Variants in TNFSF4 observed in about 807,000 individuals in gnomAD.
The protein encoded by TNFSF4 is tumor necrosis factor ligand superfamily member 4.
A neutral mutation model predicts 7.3 loss-of-function variants in TNFSF4; 4 were observed. The ratio of observed to expected loss-of-function variants is 0.55; its 90% CI spans 0.27 to 1.25. The LOEUF is 1.25. TNFSF4 is among the 50% of genes most tolerant of loss of function. The pLI is 0.12. For synonymous variants in TNFSF4, 76 were observed against 83.7 expected, an observed-to-expected ratio of 0.91 and a Z score of 0.50; for missense variants, 181 against 208.8, an observed-to-expected ratio of 0.87 and a Z score of 0.82.
chr1:173,234,736 T>C, the TNFSF4 span, among the ~76,000 whole-genome samples: 1 of 152,018 alleles, frequency 6.6e-6, no homozygotes, highest in Non-Finnish European at 1.5e-5. Flanking sequence ...TAGGTGGGAA[T>C]TGAACAATGA....
the TNFSF4 span, among the ~76,000 whole-genome samples, chr1:173,302,508 A>T: frequency 6.6e-6 from 1 of 151,850 alleles, no homozygotes; most frequent in Non-Finnish European, 1.5e-5. Flanking sequence ...TTCCCGTTTT[A>T]TAGATGAGAA....
the TNFSF4 span, among the ~76,000 whole-genome samples, chr1:173,364,700 A>T: frequency 6.6e-6 from 1 of 152,076 alleles, no homozygotes; most frequent in Non-Finnish European, 1.5e-5. Context: ...GTAAGAAAAC[A>T]GTGTTCGGTA....
chr1:173,337,154 G>A, the TNFSF4 span, among the ~76,000 whole-genome samples: 1 of 152,102 alleles, frequency 6.6e-6, no homozygotes, highest in Non-Finnish European at 1.5e-5. Flanking sequence ...GCTCTTATAG[G>A]TGTATTGCAG....
chr1:173,369,111 A>G, the TNFSF4 span, among the ~76,000 whole-genome samples: 3 of 151,988 alleles, frequency 2.0e-5, no homozygotes, highest in African/African-American at 7.2e-5. Flanking sequence ...GAAATTATAG[A>G]CTCCAAAATT....
At chr1:173,198,492 C>A (rs746547658) in intron 1 of TNFSF4, among the ~76,000 whole-genome samples, 3 of 152,152 alleles carry the variant, frequency 2.0e-5, no homozygotes, top group Non-Finnish European at 4.4e-5. Flanking sequence ...TGGCTCCCTC[C>A]GATAGTAAAT....
chr1:173,426,699 A>C, the TNFSF4 span, among the ~76,000 whole-genome samples: 3 of 152,040 alleles, frequency 2.0e-5, no homozygotes, highest in Admixed American at 6.6e-5. Context: ...GGCTCAAGCA[A>C]TTCTCCCACC....
chr1:173,207,011 T>C lies in TNFSF4; in HGVS notation c.153+13A>G, dbSNP rs764758804. 1 of 1,596,078 alleles carries C rather than the reference T, an allele frequency of 6.3e-7. No homozygotes were observed. Among genetic ancestry groups the C allele is most frequent in the South Asian group, 1.1e-5 (1 of 89,008 alleles). On this transcript the variant is annotated intron_variant, in intron 1 of 2. Transcript: ENST00000281834. ...GAGCTGGTGGGAAAACAGCGCCCAGTGGTGCATCTTACCTGAAGAGCAGAG... is the reference window on the plus strand; with the variant it reads ...GAGCTGGTGGGAAAACAGCGCCCAGCGGTGCATCTTACCTGAAGAGCAGAG...
the TNFSF4 span, among the ~76,000 whole-genome samples, chr1:173,328,991 C>G: frequency 6.6e-6 from 1 of 152,174 alleles, no homozygotes; most frequent in South Asian, 2.1e-4. Context: ...AATATGTTCA[C>G]TGCAGCATTT....
chr1:173,377,844 G>A, the TNFSF4 span, among the ~76,000 whole-genome samples: 1 of 152,242 alleles, frequency 6.6e-6, no homozygotes, highest in African/African-American at 2.4e-5. Context: ...ATTCATATAA[G>A]TGAGGACAAA....
chr1:173,339,122 T>C, the TNFSF4 span, among the ~76,000 whole-genome samples: 2 of 152,194 alleles, frequency 1.3e-5, no homozygotes, highest in East Asian at 3.9e-4. Context: ...CAGGGTGCAG[T>C]GGCTCACGCT....
At chr1:173,327,529 T>C in the TNFSF4 span, among the ~76,000 whole-genome samples, 2 of 151,404 alleles carry the variant, frequency 1.3e-5, no homozygotes, top group African/African-American at 4.9e-5. Context: ...AAAGAGCTTC[T>C]GCACAGCAAA....
chr1:173,206,936 A>G, intron 1 of TNFSF4, 88 bp downstream of exon 1: 3 of 1,436,344 alleles, frequency 2.1e-6, no homozygotes, highest in Non-Finnish European at 2.8e-6. Context: ...CTTTTGGCAT[A>G]AGATTATTTC....
chr1:173,383,702 A>T, the TNFSF4 span, among the ~76,000 whole-genome samples: 11 of 152,132 alleles, frequency 7.2e-5, no homozygotes, highest in Admixed American at 7.2e-4. Flanking sequence ...TTTTCAGATC[A>T]ACAGTGTTAA....
the TNFSF4 span, among the ~76,000 whole-genome samples, chr1:173,436,245 A>G: frequency 6.6e-6 from 1 of 152,232 alleles, no homozygotes; most frequent in Non-Finnish European, 1.5e-5. Context: ...AAGCGAAGGC[A>G]GCCAATAAAG....
At chr1:173,175,933 G>A in the TNFSF4 span, among the ~76,000 whole-genome samples, 1 of 152,068 alleles carries the variant, frequency 6.6e-6, no homozygotes, top group Non-Finnish European at 1.5e-5. Context: ...AGGAAGTCAT[G>A]GTTTTTTGTT....
chr1:173,321,409 T>C, the TNFSF4 span, among the ~76,000 whole-genome samples: 10 of 152,256 alleles, frequency 6.6e-5, no homozygotes, highest in East Asian at 1.4e-3. Flanking sequence ...ATTCAGGACA[T>C]AGGCATGGGC....
At chr1:173,431,864 C>T in the TNFSF4 span, among the ~76,000 whole-genome samples, 5 of 152,334 alleles carry the variant, frequency 3.3e-5, no homozygotes, top group African/African-American at 1.2e-4. Context: ...TCTCCTCCAG[C>T]CTCACTTGTG....
chr1:173,317,693 T>G, the TNFSF4 span, among the ~76,000 whole-genome samples: 2 of 152,214 alleles, frequency 1.3e-5, no homozygotes, highest in Admixed American at 6.5e-5. Flanking sequence ...AGAAGAATAT[T>G]ATTCCTGGAT....
the TNFSF4 span, among the ~76,000 whole-genome samples, chr1:173,329,309 C>G: frequency 6.6e-6 from 1 of 152,068 alleles, no homozygotes; most frequent in Non-Finnish European, 1.5e-5. Context: ...GTCTAGATTA[C>G]CTATACTACC....
Sources: gnomAD v4.1 joint callset for allele counts (sites outside exome capture counted in the v4.1 genomes callset) on GRCh38, gnomAD v4.1.1 for gene constraint, MANE v1.5 for transcripts, NCBI Gene and HGNC (gene_info 2026-07-23, HGNC 2026-07-21) for gene names.